GPC5: variants seen among roughly 807,000 people sequenced by gnomAD.
The protein encoded by GPC5 is glypican-5.
A neutral mutation model predicts 53.9 loss-of-function variants in GPC5; 47 were observed. That is an observed-to-expected ratio of 0.87 (90% CI 0.69 to 1.11). The LOEUF (loss-of-function observed/expected upper bound fraction) is 1.11. Ranked by LOEUF, GPC5 falls within the 50% of genes most tolerant of loss-of-function variation. The pLI is 0.00. For missense variants in GPC5, 748 were observed against 713.1 expected (o/e 1.05, Z -0.56); for synonymous variants, 286 against 263.3 (o/e 1.09, Z -0.84).
chr13:91,972,037 C>T (rs983336726), intron 6 of GPC5, among the ~76,000 whole-genome samples: 32 of 152,114 alleles, frequency 2.1e-4, no homozygotes, highest in African/African-American at 4.3e-4. Context: ...CTTTCTGTGT[C>T]GTTGATCTGT....
At chr13:91,737,098 C>T (rs1315368846) in intron 4 of GPC5, among the ~76,000 whole-genome samples, 6 of 151,312 alleles carry the variant, frequency 4.0e-5, no homozygotes, top group East Asian at 3.9e-4. Context: ...AGCGAGACTC[C>T]GTCTCAGATT....
chr13:92,254,423 A>C (rs912252111), intron 7 of GPC5, among the ~76,000 whole-genome samples: 2 of 152,120 alleles, frequency 1.3e-5, no homozygotes, highest in African/African-American at 4.8e-5. Flanking sequence ...AGCAGTTTGG[A>C]ATTAGTTTCT....
In GPC5 at chr13:91,693,324, G is replaced by A. The variant is rs1323794128; in HGVS notation, c.463G>A (p.Ala155Thr). 4.3e-6 allele frequency: 7 copies of A among 1,613,950 alleles called. No homozygotes were observed. The highest frequency in any genetic ancestry group is 5.9e-6 in the Non-Finnish European group (7 of 1,180,020). The change falls in exon 3 of 8, where the codon GCG becomes ACG. Residue 155 changes from alanine to threonine, a missense_variant. By Grantham distance (58) the Ala-to-Thr change is moderately conservative. Transcript: ENST00000377067. Reference sequence around the variant, plus strand: ...TGATGTGGGGCTGTATTTATTTGGTGCGGATGTTAATCCTGAAGAATTTGT... The same window carrying A: ...TGATGTGGGGCTGTATTTATTTGGTACGGATGTTAATCCTGAAGAATTTGT... ...FTDVGLYLFG[A>T]DVNPEEFVNR...
At chr13:92,838,946 T>A (rs1341133926) in intron 7 of GPC5, among the ~76,000 whole-genome samples, 1 of 152,226 alleles carries the variant, frequency 6.6e-6, no homozygotes, top group Non-Finnish European at 1.5e-5. Context: ...TACTCATACT[T>A]GGCAATTCTG....
intron 7 of GPC5, among the ~76,000 whole-genome samples, chr13:92,649,538 G>C (rs1885887304): frequency 6.6e-6 from 1 of 152,098 alleles, no homozygotes; most frequent in African/African-American, 2.4e-5. Context: ...TTAAAGTCAT[G>C]ATAAGTATAA....
At chr13:92,518,955 C>G (rs1428452101) in intron 7 of GPC5, among the ~76,000 whole-genome samples, 2 of 151,498 alleles carry the variant, frequency 1.3e-5, no homozygotes, top group Non-Finnish European at 2.9e-5. Flanking sequence ...AAATGGAAAA[C>G]AAAAAAAGGC....
At chr13:91,768,643 C>G (rs779950866) in intron 5 of GPC5, among the ~76,000 whole-genome samples, 2 of 152,108 alleles carry the variant, frequency 1.3e-5, no homozygotes, top group Admixed American at 1.3e-4. Flanking sequence ...TTATTCTAGA[C>G]AGAATCTAGA....
intron 6 of GPC5, among the ~76,000 whole-genome samples, chr13:92,040,475 A>G (rs1045398709): frequency 4.6e-5 from 7 of 152,252 alleles, no homozygotes; most frequent in Non-Finnish European, 7.3e-5. Flanking sequence ...TGAATGCATG[A>G]ATACAAAGTA....
intron 2 of GPC5, among the ~76,000 whole-genome samples, chr13:91,664,874 C>T (rs539648513): frequency 2.8e-4 from 42 of 152,366 alleles, no homozygotes; most frequent in Admixed American, 4.6e-4. Flanking sequence ...ATGCAAATCA[C>T]ATGCTTGCTA....
intron 2 of GPC5, among the ~76,000 whole-genome samples, chr13:91,642,513 A>C (rs954208325): frequency 2.0e-5 from 3 of 152,206 alleles, no homozygotes; most frequent in African/African-American, 7.2e-5. Flanking sequence ...GAGTGTTTCA[A>C]GAATGATGAT....
chr13:91,571,671 G>A (rs1179010617), intron 2 of GPC5, among the ~76,000 whole-genome samples: 1 of 151,232 alleles, frequency 6.6e-6, no homozygotes, highest in East Asian at 2.0e-4. Flanking sequence ...ATTGCAGTGA[G>A]CCAAGATGGT....
chr13:91,406,075 A>G (rs1877304525), intron 1 of GPC5, among the ~76,000 whole-genome samples: 1 of 152,166 alleles, frequency 6.6e-6, no homozygotes, highest in Non-Finnish European at 1.5e-5. Context: ...CCTGGCCCTA[A>G]TTGAAATTTG....
chr13:92,715,114 T>C (rs7321917), intron 7 of GPC5, among the ~76,000 whole-genome samples: 8,060 of 152,236 alleles, frequency 0.053, 609 homozygotes, highest in East Asian at 0.33. Flanking sequence ...ATTTATTCCA[T>C]GGTTGAGTAC....
chr13:92,745,057 A>G (rs1241801641), intron 7 of GPC5, among the ~76,000 whole-genome samples: 1 of 152,090 alleles, frequency 6.6e-6, no homozygotes, highest in Non-Finnish European at 1.5e-5. Flanking sequence ...TTGAGTGATA[A>G]TATATTGAAA....
intron 7 of GPC5, among the ~76,000 whole-genome samples, chr13:92,255,736 G>A (rs61966571): frequency 3.3e-5 from 5 of 151,928 alleles, no homozygotes; most frequent in Non-Finnish European, 7.4e-5. Context: ...AACACAGCTG[G>A]GACTCTTGGC....
intron 7 of GPC5, among the ~76,000 whole-genome samples, chr13:92,497,326 A>G (rs557187242): frequency 2.4e-4 from 36 of 152,296 alleles, no homozygotes; most frequent in African/African-American, 8.4e-4. Flanking sequence ...GCATATGGTT[A>G]GCCAGTTTTC....
intron 7 of GPC5, among the ~76,000 whole-genome samples, chr13:92,563,610 C>T (rs1882768558): frequency 6.6e-6 from 1 of 151,942 alleles, no homozygotes; most frequent in African/African-American, 2.4e-5. Flanking sequence ...AAAAAACTAA[C>T]ATTTTATCAA....
chr13:92,497,101 T>C (rs1236533238), intron 7 of GPC5, among the ~76,000 whole-genome samples: 1 of 152,182 alleles, frequency 6.6e-6, no homozygotes, highest in African/African-American at 2.4e-5. Flanking sequence ...AGAAGTTCTT[T>C]AGTTTAATTA....
chr13:92,597,761 A>T (rs1186445343), intron 7 of GPC5, among the ~76,000 whole-genome samples: 2 of 152,258 alleles, frequency 1.3e-5, no homozygotes, highest in African/African-American at 4.8e-5. Context: ...ACTTAATAGG[A>T]TAAATGAATC....
Sources: allele counts gnomAD v4.1 joint callset (sites outside exome capture counted in the v4.1 genomes callset), GRCh38; gene constraint gnomAD v4.1.1; transcripts MANE v1.5; gene names NCBI Gene and HGNC (gene_info 2026-07-23, HGNC 2026-07-21).